Variants in NCK2 observed in about 807,000 individuals in gnomAD.
NCK2 encodes NCK adaptor protein 2, also known as cytoplasmic protein NCK2.
NCK2 carries 16 observed loss-of-function variants against 33.9 expected under a neutral mutation model. The observed-to-expected ratio is 0.47, with a 90% CI of 0.32 to 0.72. The LOEUF (loss-of-function observed/expected upper bound fraction) is 0.72, where lower values mean the gene tolerates loss of function less well. NCK2 is among the 30% of genes least tolerant of loss of function. The pLI is 0.03. For synonymous variants in NCK2, 273 were observed against 239.9 expected, an observed-to-expected ratio of 1.14 and a Z score of -1.27; for missense variants, 418 against 537.3, an observed-to-expected ratio of 0.78 and a Z score of 2.19.
intron 1 of NCK2, among the ~76,000 whole-genome samples, chr2:105,815,638 C>A (rs923939788): frequency 6.6e-6 from 1 of 152,174 alleles, no homozygotes; most frequent in Non-Finnish European, 1.5e-5. Context: ...TTGTCAGGTG[C>A]CTCTCATCTT....
chr2:105,807,318 G>A (rs1675085859), intron 1 of NCK2, among the ~76,000 whole-genome samples: 1 of 152,180 alleles, frequency 6.6e-6, no homozygotes, highest in African/African-American at 2.4e-5. Flanking sequence ...TCTCCTCGAA[G>A]GGCAGGGGAA....
At chr2:105,752,704 T>G (rs1378350946) in intron 1 of NCK2, among the ~76,000 whole-genome samples, 1 of 152,214 alleles carries the variant, frequency 6.6e-6, no homozygotes, top group East Asian at 1.9e-4. Flanking sequence ...CCCATCACCC[T>G]TCAAGTCTCT....
chr2:105,880,319 A>G (rs1265110495), intron 3 of NCK2, among the ~76,000 whole-genome samples: 1 of 152,222 alleles, frequency 6.6e-6, no homozygotes, highest in East Asian at 1.9e-4. Context: ...TTTGAATCAC[A>G]GTATGAAAAA....
intron 2 of NCK2, among the ~76,000 whole-genome samples, chr2:105,823,923 G>A (rs1196659517): frequency 6.6e-6 from 1 of 152,010 alleles, no homozygotes; most frequent in Non-Finnish European, 1.5e-5. Flanking sequence ...CCGTGTGAAG[G>A]TCTACCCAGG....
chr2:105,829,207 A>C (rs1323033780), intron 2 of NCK2, among the ~76,000 whole-genome samples: 2 of 152,184 alleles, frequency 1.3e-5, no homozygotes, highest in Non-Finnish European at 2.9e-5. Context: ...CATAATAATA[A>C]GACAAATGCC....
intron 3 of NCK2, among the ~76,000 whole-genome samples, chr2:105,871,350 T>A (rs1402099770): frequency 1.3e-5 from 2 of 152,060 alleles, no homozygotes; most frequent in Admixed American, 6.6e-5. Context: ...TGCTGGTTAC[T>A]GATCAAGGTG....
chr2:105,886,897 A>G (rs980215671), intron 4 of NCK2, among the ~76,000 whole-genome samples: 2 of 152,238 alleles, frequency 1.3e-5, no homozygotes, highest in African/African-American at 4.8e-5. Context: ...CTTTTCATTT[A>G]TGTAAATAAG....
In NCK2 at chr2:105,855,057, A is replaced by G; in HGVS notation, c.-7A>G. The G allele has an allele frequency of 2.5e-6, 4 of 1,613,354 alleles. No individual in the cohort carries two copies. The highest frequency in any genetic ancestry group is 3.4e-6 in the Non-Finnish European group (4 of 1,179,268). ...AATGTTTTGCTGGCAGAAGGACTCCATGAAAGATGACAGAAGAAGTTATTG... is the reference window on the plus strand; with the variant it reads ...AATGTTTTGCTGGCAGAAGGACTCCGTGAAAGATGACAGAAGAAGTTATTG... On this transcript the variant is annotated 5_prime_UTR_variant, in exon 3 of 5. An upstream start codon of the reference 5' UTR is lost. Coordinates refer to ENST00000233154, the MANE Select transcript of NCK2 (RefSeq NM_003581.5).
At chr2:105,803,053 A>G (rs923698294) in intron 1 of NCK2, among the ~76,000 whole-genome samples, 5 of 151,784 alleles carry the variant, frequency 3.3e-5, no homozygotes, top group African/African-American at 4.8e-5. Flanking sequence ...CCTTGTTGTC[A>G]TTTTTCAAAT....
chr2:105,821,212 T>TTTGGTA (rs1194535807), intron 2 of NCK2, among the ~76,000 whole-genome samples: 2 of 152,230 alleles, frequency 1.3e-5, no homozygotes, highest in Non-Finnish European at 2.9e-5. Context: ...ATCCTGGTTG[T>TTTGGTA]TTGGTATTTT....
chr2:105,840,629 G>A (rs574720537), intron 2 of NCK2, among the ~76,000 whole-genome samples: 16 of 152,308 alleles, frequency 1.1e-4, no homozygotes, highest in Admixed American at 2.0e-4. Context: ...CCAGTTGCAC[G>A]TCCCAGGTTG....
chr2:105,856,431 TCA>T (rs1677274279), intron 3 of NCK2, among the ~76,000 whole-genome samples: 1 of 152,242 alleles, frequency 6.6e-6, no homozygotes. Flanking sequence ...ATCACCTGTG[TCA>T]CATTTACTTG....
At chr2:105,854,984 T>C in intron 2 of NCK2, 64 bp from the exon 3 acceptor site, 2 of 1,262,030 alleles carry the variant, frequency 1.6e-6, no homozygotes, top group Non-Finnish European at 2.3e-6. Flanking sequence ...TTTTTCAAGT[T>C]GGTGCAAAGG....
chr2:105,794,640 G>A (rs1055906982), intron 1 of NCK2, among the ~76,000 whole-genome samples: 2 of 151,932 alleles, frequency 1.3e-5, no homozygotes, highest in African/African-American at 4.8e-5. Context: ...TTATAGTTTA[G>A]TTTGTTTCAT....
Position 105,881,353 on chromosome 2 carries a change from C to T in NCK2, c.252C>T (p.Thr84=). 6.2e-7 allele frequency: 1 copy of T among 1,603,666 alleles called. No homozygotes were observed. Among genetic ancestry groups the T allele is most frequent in the Non-Finnish European group, 8.5e-7 (1 of 1,177,736 alleles). Residue 84 remains threonine, a synonymous_variant, in exon 4 of 5, where the codon ACC becomes ACT. Transcript: ENST00000233154. ...TLGLGKTRRK[T]SARDASPTPS... ...GCCTCGGCAAGACGCGCAGGAAGACCAGCGCGCGGGATGCGTCCCCCACGC... is the reference window on the plus strand; with the variant it reads ...GCCTCGGCAAGACGCGCAGGAAGACTAGCGCGCGGGATGCGTCCCCCACGC...
At chr2:105,882,519 A>G (rs1490405192) in intron 4 of NCK2, among the ~76,000 whole-genome samples, 1 of 152,212 alleles carries the variant, frequency 6.6e-6, no homozygotes, top group Non-Finnish European at 1.5e-5. Context: ...TCCCAAGGTC[A>G]TTGCCACGGC....
intron 4 of NCK2, among the ~76,000 whole-genome samples, chr2:105,889,776 G>A (rs1270353176): frequency 1.3e-5 from 2 of 151,932 alleles, no homozygotes; most frequent in African/African-American, 4.8e-5. Context: ...TGTAGAGATA[G>A]GGTCCCACTA....
At chr2:105,745,972 T>G (rs1245680899) in intron 1 of NCK2, 1 of 152,216 alleles carries the variant, frequency 6.6e-6, no homozygotes, top group East Asian at 1.9e-4. Context: ...GCAAAACGCT[T>G]TAATTTGTAG....
intron 2 of NCK2, among the ~76,000 whole-genome samples, chr2:105,842,448 C>T (rs1329923009): frequency 1.3e-5 from 2 of 151,796 alleles, no homozygotes; most frequent in African/African-American, 4.8e-5. Context: ...AACATTTTTT[C>T]CTATATACAC....
Sources: gnomAD v4.1 joint callset for allele counts (sites outside exome capture counted in the v4.1 genomes callset) on GRCh38, gnomAD v4.1.1 for gene constraint, MANE v1.5 for transcripts, NCBI Gene and HGNC (gene_info 2026-07-23, HGNC 2026-07-21) for gene names.